The following PLCL1 variants were observed in gnomAD, a reference collection of about 807,000 sequenced individuals.
PLCL1 encodes phospholipase C like 1 (inactive).
PLCL1 carries 41 observed loss-of-function variants against 84.4 expected under a neutral mutation model. That is an observed-to-expected ratio of 0.49 (90% CI 0.38 to 0.63). The LOEUF is 0.63. Ranked by LOEUF, PLCL1 falls within the 30% of genes least tolerant of loss-of-function variation. PLCL1 has a pLI of 0.00. For synonymous variants in PLCL1, 490 were observed against 488.3 expected (o/e 1.00, Z -0.05); for missense variants, 1,206 against 1,367.8 (o/e 0.88, Z 1.87).
intron 5 of PLCL1, among the ~76,000 whole-genome samples, chr2:198,111,771 T>C (rs988899581): frequency 3.9e-5 from 6 of 151,934 alleles, no homozygotes; most frequent in African/African-American, 1.2e-4. Context: ...GGCCATGTTG[T>C]CATCCCACTA....
At chr2:197,829,925 T>C (rs1574901163) in intron 1 of PLCL1, among the ~76,000 whole-genome samples, 1 of 152,222 alleles carries the variant, frequency 6.6e-6, no homozygotes, top group East Asian at 1.9e-4. Flanking sequence ...TAATAATTCA[T>C]GATCTACATT....
chr2:197,985,174 C>T (rs2105808157), intron 1 of PLCL1, among the ~76,000 whole-genome samples: 1 of 152,270 alleles, frequency 6.6e-6, no homozygotes, highest in South Asian at 2.1e-4. Flanking sequence ...ATCCTACTAG[C>T]TGTGTAACTG....
intron 1 of PLCL1, among the ~76,000 whole-genome samples, chr2:198,003,473 T>C (rs2105822783): frequency 6.6e-6 from 1 of 152,356 alleles, no homozygotes; most frequent in Non-Finnish European, 1.5e-5. Context: ...TGTGCTGGAC[T>C]CTTGTATTGG....
chr2:198,133,088 C>A (rs1372880201), intron 5 of PLCL1, among the ~76,000 whole-genome samples: 1 of 151,962 alleles, frequency 6.6e-6, no homozygotes, highest in South Asian at 2.1e-4. Flanking sequence ...AATAGGGAAT[C>A]CTTTCCCCAT....
chr2:198,061,630 C>T (rs140060690), intron 1 of PLCL1, among the ~76,000 whole-genome samples: 85 of 152,140 alleles, frequency 5.6e-4, no homozygotes, highest in African/African-American at 1.9e-3. Context: ...AGACAAGTCT[C>T]GCTCTGTCGC....
chr2:197,910,982 C>A (rs1465977714), intron 1 of PLCL1, among the ~76,000 whole-genome samples: 1 of 152,004 alleles, frequency 6.6e-6, no homozygotes, highest in South Asian at 2.1e-4. Flanking sequence ...TAAACTAAGC[C>A]TGAACACATT....
chr2:197,839,938 G>T (rs1160381223), intron 1 of PLCL1, among the ~76,000 whole-genome samples: 2 of 152,106 alleles, frequency 1.3e-5, no homozygotes, highest in Non-Finnish European at 2.9e-5. Context: ...CATTAGAGAT[G>T]AATTCTAGGA....
At chr2:198,052,282 T>G (rs1691953404) in intron 1 of PLCL1, among the ~76,000 whole-genome samples, 1 of 152,062 alleles carries the variant, frequency 6.6e-6, no homozygotes, top group Non-Finnish European at 1.5e-5. Context: ...TCTCTTGACC[T>G]CATCGTGATC....
chr2:198,131,163 A>G (rs1364426751), intron 5 of PLCL1, among the ~76,000 whole-genome samples: 1 of 152,058 alleles, frequency 6.6e-6, no homozygotes, highest in Non-Finnish European at 1.5e-5. Flanking sequence ...TCTTCCTTGA[A>G]AGTGTGTAAC....
chr2:197,809,809 AGTGTGTGTGTGT>A (rs3056067), intron 1 of PLCL1, among the ~76,000 whole-genome samples: 3 of 146,548 alleles, frequency 2.0e-5, no homozygotes, highest in African/African-American at 5.0e-5. Context: ...GAGCTCTGAA[AGTGTGTGTGTGT>A]GTGTGTGTGT....
At chr2:198,030,543 T>C (rs1691385985) in intron 1 of PLCL1, among the ~76,000 whole-genome samples, 1 of 152,176 alleles carries the variant, frequency 6.6e-6, no homozygotes, top group Admixed American at 6.6e-5. Context: ...GTTGAATGTG[T>C]GTGTACAGAA....
At chr2:197,997,403 G>A (rs890711212) in intron 1 of PLCL1, among the ~76,000 whole-genome samples, 6 of 152,202 alleles carry the variant, frequency 3.9e-5, no homozygotes, top group African/African-American at 1.4e-4. Context: ...ATCTGCTGAG[G>A]TCGGCTTCTG....
At chr2:198,086,678 T>A (rs1692892348) in intron 2 of PLCL1, among the ~76,000 whole-genome samples, 1 of 152,158 alleles carries the variant, frequency 6.6e-6, no homozygotes. Flanking sequence ...CTAAGTTCAG[T>A]ATTGTCTGTG....
At chr2:198,017,872 G>A (rs1465471908) in intron 1 of PLCL1, among the ~76,000 whole-genome samples, 2 of 152,192 alleles carry the variant, frequency 1.3e-5, no homozygotes, top group Non-Finnish European at 2.9e-5. Flanking sequence ...TCTTGATTGT[G>A]TGGGAATTTC....
At chr2:197,902,569 C>A (rs148727491) in intron 1 of PLCL1, among the ~76,000 whole-genome samples, 23 of 152,240 alleles carry the variant, frequency 1.5e-4, no homozygotes, top group African/African-American at 5.1e-4. Flanking sequence ...ATAGGCAGTT[C>A]CCTAATAGTT....
intron 1 of PLCL1, among the ~76,000 whole-genome samples, chr2:197,945,867 T>G (rs1689261574): frequency 6.6e-6 from 1 of 152,166 alleles, no homozygotes; most frequent in South Asian, 2.1e-4. Flanking sequence ...GTTATTAAAA[T>G]TTATATTAAT....
rs148921352 is a variant in PLCL1, at chr2:198,039,458, G to C, written c.241-44300G>C. Among the ~76,000 whole-genome samples the C allele has an allele frequency of 8.7e-4, 133 of 152,176 alleles. 1 individual carries two copies. The East Asian group carries it at 0.025, about 28-fold the overall frequency. ...CATAATTACTTCTTAGGATTTGTTTGTTACTGTAATAATGAAATATTTTCC... is the reference window on the plus strand; with the variant it reads ...CATAATTACTTCTTAGGATTTGTTTCTTACTGTAATAATGAAATATTTTCC... On this transcript the variant is annotated intron_variant, in intron 1 of 5. Coordinates refer to ENST00000428675, the MANE Select transcript of PLCL1 (RefSeq NM_006226.4).
intron 5 of PLCL1, among the ~76,000 whole-genome samples, chr2:198,110,574 G>A (rs1217620279): frequency 6.6e-6 from 1 of 151,902 alleles, no homozygotes; most frequent in Non-Finnish European, 1.5e-5. Context: ...CAGATGATGG[G>A]CTAATGGGAA....
At chr2:197,915,538 A>T (rs1476103134) in intron 1 of PLCL1, among the ~76,000 whole-genome samples, 24 of 149,096 alleles carry the variant, frequency 1.6e-4, no homozygotes, top group Non-Finnish European at 3.0e-5. Context: ...TTTTTTTTTG[A>T]AGTCCGATGG....
Sources: gnomAD v4.1 joint callset for allele counts (sites outside exome capture counted in the v4.1 genomes callset) on GRCh38, gnomAD v4.1.1 for gene constraint, MANE v1.5 for transcripts, NCBI Gene and HGNC (gene_info 2026-07-23, HGNC 2026-07-21) for gene names.